LMNA: variants seen among roughly 807,000 people sequenced by gnomAD.
The protein encoded by LMNA is lamin.
LMNA carries 20 observed loss-of-function variants against 70.4 expected under a neutral mutation model. The observed-to-expected ratio is 0.28, with a 90% CI of 0.20 to 0.41. LMNA has a LOEUF of 0.41. LMNA is among the 10% of genes least tolerant of loss of function. LMNA has a pLI of 1.00. For missense variants in LMNA, 652 were observed against 917.2 expected (o/e 0.71, Z 3.73); for synonymous variants, 339 against 372.8 (o/e 0.91, Z 1.04).
At chr1:156,124,490 T>A (rs893345687) in intron 1 of LMNA, among the ~76,000 whole-genome samples, 6 of 152,184 alleles carry the variant, frequency 3.9e-5, no homozygotes, top group African/African-American at 1.4e-4. Context: ...GGTTTCACCA[T>A]GCTGGCCAGG....
chr1:156,139,220 C>A lies in LMNA; in HGVS notation c.*114C>A. On this transcript the variant is annotated 3_prime_UTR_variant, in exon 12 of 12. Transcript: ENST00000368300. ...GGGGCTTGAAGCCAAAGAAAAATAA[C>A]CCTTTGGTTTTTTTCTTCTGTATTT... 6.5e-7 allele frequency: 1 copy of A among 1,541,874 alleles called. No individual in the cohort carries two copies. Among genetic ancestry groups the A allele is most frequent in the Non-Finnish European group, 8.7e-7 (1 of 1,152,980 alleles).
intron 2 of LMNA, among the ~76,000 whole-genome samples, chr1:156,133,682 T>A (rs1651276634): frequency 6.6e-6 from 1 of 152,148 alleles, no homozygotes. Context: ...AGCCAGCCCC[T>A]GCCTACTGAC....
chr1:156,107,869 T>A (rs564261856), intron 3 of LMNA, among the ~76,000 whole-genome samples: 1 of 151,466 alleles, frequency 6.6e-6, no homozygotes, highest in Non-Finnish European at 1.5e-5. Flanking sequence ...TGCAGTGACA[T>A]GATCTCCTGC....
Position 156,114,720 on chromosome 1 carries a change from G to C in LMNA, c.-199G>C, listed in dbSNP as rs1201723016. 1.2e-5 allele frequency: 7 copies of C among 562,286 alleles called. No individual in the cohort carries two copies. The highest frequency in any genetic ancestry group is 3.1e-5 in the East Asian group (1 of 32,122). The allele number at this position is 562,286 out of a possible 1,614,324, so 34.8% of individuals were successfully genotyped here. On this transcript the variant is annotated 5_prime_UTR_variant, in exon 1 of 12. Coordinates refer to ENST00000368300, the MANE Select transcript of LMNA (RefSeq NM_170707.4). ...CCGGCGTCGGTGACTCAGTGTTCGCGGGAGCGCCGCACCTACACCAGCCAA... is the reference window on the plus strand; with the variant it reads ...CCGGCGTCGGTGACTCAGTGTTCGCCGGAGCGCCGCACCTACACCAGCCAA...
At chr1:156,113,478 G>A (rs1006294620), upstream of LMNA, among the ~76,000 whole-genome samples, 2 of 152,186 alleles carry the variant, frequency 1.3e-5, no homozygotes, top group African/African-American at 4.8e-5. Context: ...GGGGACCTGA[G>A]TGATCTCGTT....
At chr1:156,109,818 G>GTGTGTGTGTATATATATA (rs1553261281), upstream of LMNA, 1 of 131,722 alleles carries the variant, frequency 7.6e-6, no homozygotes, top group Non-Finnish European at 1.7e-5. Context: ...GTGTGTGTGT[G>GTGTGTGTGTATATATATA]CATATATATA....
chr1:156,137,423 TAGAC>T lies in LMNA; in HGVS notation c.1608+194_1608+197del, dbSNP rs1651755211. The T allele has an allele frequency of 1.2e-6, 1 of 813,704 alleles. No individual in the cohort carries two copies. The highest frequency in any genetic ancestry group is 2.1e-5 in the Admixed American group (1 of 47,736). The allele number at this position is 813,704 out of a possible 1,614,324, so 50.4% of individuals were successfully genotyped here. On this transcript the variant is annotated intron_variant, in intron 9 of 11. Coordinates refer to ENST00000368300, the MANE Select transcript of LMNA (RefSeq NM_170707.4). This position sits in a 1 kb window ranked among gnomAD's most constrained non-coding sequence, Gnocchi z 4.6. ...CCTCAACAGCACAAGGGGTGGAAGT[TAGAC>T]AGTGAGGATTGTTAAAGGCAGAGCC...
At chr1:156,126,939 C>A in intron 1 of LMNA, 1 of 1,560,700 alleles carries the variant, frequency 6.4e-7, no homozygotes. Context: ...GATTTCCCGA[C>A]CCCTGCCCGG....
At chr1:156,127,588 G>A (rs943040727) in intron 1 of LMNA, among the ~76,000 whole-genome samples, 1 of 130,988 alleles carries the variant, frequency 7.6e-6, no homozygotes, top group Non-Finnish European at 1.5e-5. Flanking sequence ...GCACAATCTC[G>A]GCTCACTGCA....
chr1:156,119,535 A>T (rs1329436647), intron 1 of LMNA, among the ~76,000 whole-genome samples: 2 of 152,210 alleles, frequency 1.3e-5, no homozygotes, highest in Non-Finnish European at 2.9e-5. Flanking sequence ...GCTGGGATGT[A>T]TAGGCATGAG....
intron 2 of LMNA, chr1:156,083,202 C>T (rs1257286973): frequency 1.3e-5 from 2 of 152,440 alleles, no homozygotes; most frequent in Non-Finnish European, 2.9e-5. Context: ...AGTTCACGTC[C>T]TTCTGCTCGG....
At chr1:156,089,020 CA>C (rs1270294627) in intron 2 of LMNA, among the ~76,000 whole-genome samples, 4 of 152,252 alleles carry the variant, frequency 2.6e-5, no homozygotes, top group Non-Finnish European at 5.9e-5. Flanking sequence ...CTCTGTCGTC[CA>C]GGCTATAATA....
In LMNA at chr1:156,137,143, A is replaced by G; in HGVS notation, c.1519A>G (p.Ser507Gly). 3 of 1,613,426 alleles carry G rather than the reference A, an allele frequency of 1.9e-6. No homozygotes were observed. The highest frequency in any genetic ancestry group is 1.1e-5 in the South Asian group (1 of 91,018). ...IWAAGAGATH[S>G]PPTDLVWKAQ... Reference sequence around the variant, plus strand: ...GGCTGCAGGAGCTGGGGCCACCCACAGCCCCCCTACCGACCTGGTGTGGAA... The same window carrying G: ...GGCTGCAGGAGCTGGGGCCACCCACGGCCCCCCTACCGACCTGGTGTGGAA... Residue 507 changes from serine to glycine, a missense_variant, in exon 9 of 12, where the codon AGC becomes GGC. By Grantham distance (56) the Ser-to-Gly change is moderately conservative (BLOSUM62 0). This residue lies in a region of LMNA where 327 missense variants were observed against 387.6 expected (regional missense o/e 0.84). Coordinates refer to ENST00000368300, the MANE Select transcript of LMNA (RefSeq NM_170707.4). The surrounding 1 kb of genome is among the most constrained non-coding windows in gnomAD (Gnocchi z 4.6).
At chr1:156,119,523 G>A (rs2102830379) in intron 1 of LMNA, among the ~76,000 whole-genome samples, 1 of 152,368 alleles carries the variant, frequency 6.6e-6, no homozygotes, top group African/African-American at 2.4e-5. Flanking sequence ...GCCTCCCAAA[G>A]TGCTGGGATG....
chr1:156,110,368 T>C (rs1358494037), upstream of LMNA, among the ~76,000 whole-genome samples: 1 of 152,226 alleles, frequency 6.6e-6, no homozygotes, highest in African/African-American at 2.4e-5. Flanking sequence ...ATTCTCTGTG[T>C]ATAAGGCAGT....
At chr1:156,086,413 T>TC (rs1211619175) in intron 2 of LMNA, among the ~76,000 whole-genome samples, 1 of 152,090 alleles carries the variant, frequency 6.6e-6, no homozygotes, top group African/African-American at 2.4e-5. Context: ...TCTCTCTCTC[T>TC]CTCTCTCTCT....
chr1:156,115,760 C>A lies in LMNA; in HGVS notation c.356+486C>A, dbSNP rs1484355514. On this transcript the variant is annotated intron_variant, in intron 1 of 11. Coordinates refer to ENST00000368300, the MANE Select transcript of LMNA (RefSeq NM_170707.4). This position sits in a 1 kb window ranked among gnomAD's most constrained non-coding sequence, Gnocchi z 5.8. Reference sequence around the variant, plus strand: ...TCTGAACACATGATGCCCACTAAGACATAACTCTCAAGTTGGCATCTGTCC... The same window carrying A: ...TCTGAACACATGATGCCCACTAAGAAATAACTCTCAAGTTGGCATCTGTCC... Among the ~76,000 whole-genome samples the A allele has an allele frequency of 6.6e-6, 1 of 152,238 alleles. No individual in the cohort carries two copies. The highest frequency in any genetic ancestry group is 1.9e-4 in the East Asian group (1 of 5,202).
intron 1 of LMNA, among the ~76,000 whole-genome samples, chr1:156,120,394 C>T (rs941847702): frequency 6.6e-6 from 1 of 152,194 alleles, no homozygotes; most frequent in African/African-American, 2.4e-5. Flanking sequence ...CTGAGGCTCA[C>T]TTCTGCAGCC....
Position 156,137,291 on chromosome 1 carries a change from G to T in LMNA, c.1608+59G>T, listed in dbSNP as rs1250835801. 2.0e-6 allele frequency: 3 copies of T among 1,536,022 alleles called. No homozygotes were observed. Among genetic ancestry groups the T allele is most frequent in the Middle Eastern group, 2.1e-4 (1 of 4,860 alleles). ...GAGGCTCCCCCTGATGGCCAACATC[G>T]GAGCCAGCTGCCCCCAACCCAAGTT... On this transcript the variant is annotated intron_variant, in intron 9 of 11. Coordinates refer to ENST00000368300, the MANE Select transcript of LMNA (RefSeq NM_170707.4). The surrounding 1 kb of genome is among the most constrained non-coding windows in gnomAD (Gnocchi z 4.6).
Sources: allele counts gnomAD v4.1 joint callset (sites outside exome capture counted in the v4.1 genomes callset), GRCh38; gene constraint gnomAD v4.1.1; regional missense constraint gnomAD v4.1.1; non-coding constraint Gnocchi (gnomAD v3.1); transcripts MANE v1.5; gene names NCBI Gene and HGNC (gene_info 2026-07-23, HGNC 2026-07-21).